The following POPDC1 variants were observed in gnomAD, a reference collection of about 807,000 sequenced individuals.
POPDC1 encodes the protein popeye domain-containing protein 1.
At chr6:105,100,935 C>T in the POPDC1 span, 2 of 789,734 alleles carry the variant, frequency 2.5e-6, no homozygotes, top group African/African-American at 1.8e-5. Flanking sequence ...TGAAAGAACT[C>T]TTCCATCCTT....
At chr6:105,107,614 A>G in the POPDC1 span, among the ~76,000 whole-genome samples, 2 of 152,220 alleles carry the variant, frequency 1.3e-5, no homozygotes, top group South Asian at 4.1e-4. Flanking sequence ...AGCTAATATA[A>G]GGTGCTAAGA....
chr6:105,125,314 T>C, the POPDC1 span: 1 of 1,495,086 alleles, frequency 6.7e-7, no homozygotes, highest in Non-Finnish European at 9.2e-7. Context: ...CAACATTTCC[T>C]CCCATTCACT....
the POPDC1 span, among the ~76,000 whole-genome samples, chr6:105,130,925 A>T: frequency 6.6e-6 from 1 of 152,184 alleles, no homozygotes; most frequent in Non-Finnish European, 1.5e-5. Flanking sequence ...ATTACTGGTG[A>T]GCCTGCATAT....
At chr6:105,111,010 TAACA>T in the POPDC1 span, among the ~76,000 whole-genome samples, 1 of 152,268 alleles carries the variant, frequency 6.6e-6, no homozygotes, top group African/African-American at 2.4e-5. Context: ...TTGACACTAA[TAACA>T]AACAAAATAC....
At chr6:105,115,486 A>G in the POPDC1 span, among the ~76,000 whole-genome samples, 1 of 152,276 alleles carries the variant, frequency 6.6e-6, no homozygotes, top group African/African-American at 2.4e-5. Context: ...AAACAGAAAT[A>G]ATAGTTCTAA....
chr6:105,111,598 A>G, the POPDC1 span, among the ~76,000 whole-genome samples: 25 of 152,358 alleles, frequency 1.6e-4, no homozygotes, highest in African/African-American at 5.8e-4. Context: ...AATGAACTGA[A>G]TTATGAACTA....
At chr6:105,105,466 G>C in the POPDC1 span, among the ~76,000 whole-genome samples, 1 of 152,178 alleles carries the variant, frequency 6.6e-6, no homozygotes, top group Non-Finnish European at 1.5e-5. Context: ...CAACTGTCAT[G>C]GCCACCAGAA....
At chr6:105,105,750 C>T in the POPDC1 span, among the ~76,000 whole-genome samples, 1 of 152,010 alleles carries the variant, frequency 6.6e-6, no homozygotes, top group East Asian at 1.9e-4. Flanking sequence ...ATTAATTTTA[C>T]GTACTGATAG....
At chr6:105,103,991 T>C in the POPDC1 span, among the ~76,000 whole-genome samples, 5 of 152,324 alleles carry the variant, frequency 3.3e-5, no homozygotes, top group East Asian at 9.7e-4. Flanking sequence ...GAACTTACTA[T>C]ATAACATTAA....
the POPDC1 span, chr6:105,124,480 T>C: frequency 2.7e-6 from 3 of 1,102,752 alleles, no homozygotes; most frequent in East Asian, 2.5e-5. Flanking sequence ...TTTCTATTAA[T>C]ATCCTTTGGA....
chr6:105,121,423 A>G, the POPDC1 span, among the ~76,000 whole-genome samples: 2 of 151,922 alleles, frequency 1.3e-5, no homozygotes, highest in South Asian at 2.1e-4. Context: ...ACCTGCCACC[A>G]TGCTCAGCTA....
At chr6:105,112,247 C>A in the POPDC1 span, among the ~76,000 whole-genome samples, 1 of 152,146 alleles carries the variant, frequency 6.6e-6, no homozygotes, top group Non-Finnish European at 1.5e-5. Context: ...GAAACACACA[C>A]ACAGAGACAG....
the POPDC1 span, among the ~76,000 whole-genome samples, chr6:105,105,911 T>C: frequency 3.9e-5 from 6 of 152,246 alleles, 1 homozygote. Flanking sequence ...ATGATCTCTG[T>C]AGAATGCTTT....
the POPDC1 span, among the ~76,000 whole-genome samples, chr6:105,132,261 C>T: frequency 4.6e-5 from 7 of 152,120 alleles, no homozygotes; most frequent in Non-Finnish European, 8.8e-5. Context: ...CCACTGTGTC[C>T]AGCCCATTTA....
chr6:105,112,897 G>A, the POPDC1 span, among the ~76,000 whole-genome samples: 1 of 151,732 alleles, frequency 6.6e-6, no homozygotes, highest in Non-Finnish European at 1.5e-5. Context: ...AAAAAACACA[G>A]AGGTAATCTG....
the POPDC1 span, chr6:105,098,482 T>C: frequency 1.2e-4 from 19 of 152,244 alleles, 1 homozygote; most frequent in Admixed American, 2.6e-4. Context: ...TCACCTACTT[T>C]TAGCAGTGTG....
At chr6:105,115,984 T>G in the POPDC1 span, among the ~76,000 whole-genome samples, 1 of 152,204 alleles carries the variant, frequency 6.6e-6, no homozygotes, top group Non-Finnish European at 1.5e-5. Flanking sequence ...CTATGATTTT[T>G]ATTATTAGCT....
At chr6:105,129,320 G>T in the POPDC1 span, 1 of 1,431,168 alleles carries the variant, frequency 7.0e-7, no homozygotes, top group Non-Finnish European at 9.5e-7. Flanking sequence ...TCTGAACAAA[G>T]TACCTTTCAA....
At chr6:105,107,245 CATA>C in the POPDC1 span, among the ~76,000 whole-genome samples, 1 of 152,130 alleles carries the variant, frequency 6.6e-6, no homozygotes, top group Non-Finnish European at 1.5e-5. Context: ...TTTCACTTAA[CATA>C]ATGAGAGGAG....
Sources: gnomAD v4.1 joint callset for allele counts (sites outside exome capture counted in the v4.1 genomes callset) on GRCh38, gnomAD v4.1.1 for gene constraint, MANE v1.5 for transcripts, NCBI Gene and HGNC (gene_info 2026-07-23, HGNC 2026-07-21) for gene names.